The following CRB1 variants were observed in gnomAD, a reference collection of about 807,000 sequenced individuals.
CRB1 encodes the protein crumbs cell polarity complex component 1, also known as protein crumbs homolog 1.
Under a neutral mutation model 120.0 loss-of-function variants are expected in CRB1, and 83 were observed. The ratio of observed to expected loss-of-function variants is 0.69; its 90% CI spans 0.58 to 0.83. The LOEUF is 0.83. Among genes scored for constraint, CRB1 ranks in the 40% least tolerant of loss-of-function variants. The probability of loss-of-function intolerance (pLI) is 0.00; values close to 1 mark genes in which losing one functional copy is unlikely to be tolerated. For synonymous variants in CRB1, 625 were observed against 612.5 expected, an observed-to-expected ratio of 1.02 and a Z score of -0.30; for missense variants, 1,699 against 1,687.6, an observed-to-expected ratio of 1.01 and a Z score of -0.12.
intron 1 of CRB1, among the ~76,000 whole-genome samples, chr1:197,291,718 A>G (rs560045604): frequency 1.3e-5 from 2 of 151,946 alleles, no homozygotes; most frequent in South Asian, 2.1e-4. Context: ...ACAGCCTGTT[A>G]TTATTCATTG....
the CRB1 span, among the ~76,000 whole-genome samples, chr1:197,228,491 T>C: frequency 1.3e-5 from 2 of 152,184 alleles, no homozygotes; most frequent in African/African-American, 4.8e-5. Context: ...TTACTCCAGT[T>C]TCCCAACAAG....
At chr1:197,202,227 C>T in the CRB1 span, among the ~76,000 whole-genome samples, 1 of 152,136 alleles carries the variant, frequency 6.6e-6, no homozygotes, top group African/African-American at 2.4e-5. Flanking sequence ...GAGTTGGACT[C>T]CCCACCGGCA....
chr1:197,241,793 A>G, the CRB1 span, among the ~76,000 whole-genome samples: 1 of 151,166 alleles, frequency 6.6e-6, no homozygotes, highest in Non-Finnish European at 1.5e-5. Flanking sequence ...CAGTATGGCC[A>G]TTTTCACAGT....
intron 11 of CRB1, chr1:197,447,549 G>A (rs896754074): frequency 6.6e-6 from 1 of 152,196 alleles, no homozygotes; most frequent in Non-Finnish European, 1.5e-5. Flanking sequence ...TCACTTAAAA[G>A]GGTGTCTGCC....
the CRB1 span, among the ~76,000 whole-genome samples, chr1:197,220,028 T>G: frequency 6.6e-6 from 1 of 152,220 alleles, no homozygotes; most frequent in Non-Finnish European, 1.5e-5. Flanking sequence ...TTGGTAACAC[T>G]TAACATAGCT....
intron 1 of CRB1, among the ~76,000 whole-genome samples, chr1:197,283,020 G>A (rs1655615118): frequency 6.6e-6 from 1 of 151,882 alleles, no homozygotes; most frequent in South Asian, 2.1e-4. Context: ...AGCAATCAGA[G>A]CCAAAGGTAC....
At chr1:197,413,320 T>C (rs563957312) in intron 5 of CRB1, among the ~76,000 whole-genome samples, 25 of 152,328 alleles carry the variant, frequency 1.6e-4, no homozygotes, top group Middle Eastern at 3.4e-3. Flanking sequence ...TGGTCTTTCA[T>C]AGAGGCTGGA....
chr1:197,422,947 T>TC (rs1664409652), intron 6 of CRB1: 1 of 152,128 alleles, frequency 6.6e-6, no homozygotes, highest in Non-Finnish European at 1.5e-5. Flanking sequence ...CTCAAGGGTT[T>TC]CCCCCGACCA....
chr1:197,319,196 G>A (rs1658030120), intron 1 of CRB1, among the ~76,000 whole-genome samples: 1 of 146,058 alleles, frequency 6.8e-6, no homozygotes, highest in South Asian at 2.2e-4. Context: ...GGCTGAGGTG[G>A]GCAAATCATG....
chr1:197,327,082 C>T (rs1658535866), intron 1 of CRB1, among the ~76,000 whole-genome samples: 1 of 119,074 alleles, frequency 8.4e-6, no homozygotes, highest in African/African-American at 3.3e-5. Flanking sequence ...TGACTTAATT[C>T]TCACACACCA....
chr1:197,288,942 A>G (rs1245142885), intron 1 of CRB1, among the ~76,000 whole-genome samples: 1 of 150,908 alleles, frequency 6.6e-6, no homozygotes, highest in African/African-American at 2.4e-5. Context: ...AAACTTCTCT[A>G]AAAAGGATGA....
rs187247474 is a variant in CRB1 at position 197,454,962 on chromosome 1, G to A, written c.4005+12670G>A. Among the ~76,000 whole-genome samples, 21 of 152,174 alleles carry A rather than the reference G, an allele frequency of 1.4e-4. 1 individual carries two copies. In the South Asian group the frequency reaches 1.9e-3, roughly 14 times the overall value. ...GTAAGAAAATCAGGTACATAGCTTC[G>A]TACATAAGAGTTCTCTAATTTCGTG... On this transcript the variant is annotated intron_variant, in intron 11 of 11. Transcript: ENST00000367400.
At chr1:197,330,133 C>T (rs1056535043) in intron 2 of CRB1, among the ~76,000 whole-genome samples, 11 of 152,088 alleles carry the variant, frequency 7.2e-5, no homozygotes, top group Admixed American at 3.9e-4. Context: ...AGACACATTC[C>T]TAGTTGCTCT....
At chr1:197,291,185 T>C (rs1201185189) in intron 1 of CRB1, among the ~76,000 whole-genome samples, 2 of 151,822 alleles carry the variant, frequency 1.3e-5, no homozygotes, top group African/African-American at 4.8e-5. Flanking sequence ...ATAATTCATT[T>C]CTTGGACAAT....
At position 197,336,403 on chromosome 1, in the gene CRB1, AAT is replaced by A. The variant is rs573173973; in HGVS notation, c.652+7403_652+7404del. On this transcript the variant is annotated intron_variant, in intron 2 of 11. Coordinates refer to ENST00000367400, the MANE Select transcript of CRB1 (RefSeq NM_201253.3). ...ATGGGAAATAATTTGAGGAAAATAA[AAT>A]ATGTTATTAAATATAAGCTTATTTC... Among the ~76,000 whole-genome samples the A allele has an allele frequency of 2.2e-3, 336 of 152,270 alleles. 1 individual carries two copies. Among genetic ancestry groups the A allele is most frequent in the African/African-American group, 7.7e-3 (319 of 41,514 alleles).
intron 1 of CRB1, among the ~76,000 whole-genome samples, chr1:197,287,863 C>G (rs557149065): frequency 1.3e-5 from 2 of 151,822 alleles, no homozygotes; most frequent in South Asian, 2.1e-4. Flanking sequence ...CTGGATTCAC[C>G]CTCCAGCCTG....
At chr1:197,312,961 C>G (rs1047190813) in intron 1 of CRB1, among the ~76,000 whole-genome samples, 7 of 152,218 alleles carry the variant, frequency 4.6e-5, no homozygotes, top group African/African-American at 1.7e-4. Flanking sequence ...TTAGTCCATT[C>G]TCACACTGCT....
chr1:197,239,717 T>G, the CRB1 span, among the ~76,000 whole-genome samples: 1 of 67,082 alleles, frequency 1.5e-5, no homozygotes, highest in African/African-American at 3.1e-5. Flanking sequence ...CATCTGTAGT[T>G]TTTTTTTTGT....
Position 197,477,687 on chromosome 1 carries a change from C to T in CRB1, c.4029C>T (p.Asp1343=), listed in dbSNP as rs780087216. ...EVDLADDLIS[D]IFTTIGSVTV... ...AGTTGGCAGATGACTTGATCTCCGACATTTTCACCACTATTGGCTCAGTGA... is the reference window on the plus strand; with the variant it reads ...AGTTGGCAGATGACTTGATCTCCGATATTTTCACCACTATTGGCTCAGTGA... The change falls in exon 12 of 12, where the codon GAC becomes GAT. Residue 1343 remains aspartate, a synonymous_variant. Transcript: ENST00000367400. 5 of 1,613,848 alleles carry T rather than the reference C, an allele frequency of 3.1e-6. No homozygotes were observed. The East Asian group carries it at 6.7e-5, about 22-fold the overall frequency.
Sources: allele counts gnomAD v4.1 joint callset (sites outside exome capture counted in the v4.1 genomes callset), GRCh38; gene constraint gnomAD v4.1.1; transcripts MANE v1.5; gene names NCBI Gene and HGNC (gene_info 2026-07-23, HGNC 2026-07-21).